The following PACS1 variants were observed in gnomAD, a reference collection of about 807,000 sequenced individuals.
The protein encoded by PACS1 is phosphofurin acidic cluster sorting protein 1.
Under a neutral mutation model 115.0 loss-of-function variants are expected in PACS1, and 24 were observed. That is an observed-to-expected ratio of 0.21 (90% CI 0.15 to 0.29). The LOEUF (loss-of-function observed/expected upper bound fraction) is 0.29, where lower values mean the gene tolerates loss of function less well. Ranked by LOEUF, PACS1 falls within the 10% of genes least tolerant of loss-of-function variation. The pLI is 1.00. For synonymous variants in PACS1, 453 were observed against 504.5 expected (o/e 0.90, Z 1.37); for missense variants, 838 against 1,251.2 (o/e 0.67, Z 4.98).
Position 66,183,530 on chromosome 11 carries a change from G to C in PACS1, c.357-9956G>C, listed in dbSNP as rs565932648. On this transcript the variant is annotated intron_variant, in intron 1 of 23. Transcript: ENST00000320580. ...AGCCATTTCTTGGTAGGACAAAGGA[G>C]TAATCCAGGTCACTTGTCTTCTGTT... Among the ~76,000 whole-genome samples, 37 of 152,314 alleles carry C rather than the reference G, an allele frequency of 2.4e-4. 1 individual carries two copies. In the Middle Eastern group the frequency reaches 0.017, roughly 70 times the overall value.
chr11:66,143,086 G>A (rs947006735), intron 1 of PACS1, among the ~76,000 whole-genome samples: 2 of 152,048 alleles, frequency 1.3e-5, no homozygotes, highest in African/African-American at 2.4e-5. Context: ...CAGTAAGGTG[G>A]TGCTGTTAAT....
At chr11:66,217,495 AT>A (rs1354268105) in intron 7 of PACS1, 1 of 452,722 alleles carries the variant, frequency 2.2e-6, no homozygotes, top group East Asian at 7.0e-5. Context: ...AGGCATCCTG[AT>A]TCTCCCCAGT....
At chr11:66,071,025 C>A in intron 1 of PACS1, among the ~76,000 whole-genome samples, 183 bp downstream of exon 1, 1 of 152,120 alleles carries the variant, frequency 6.6e-6, no homozygotes, top group East Asian at 1.9e-4. Context: ...TCCTGGCAGC[C>A]CCACCTTCTG....
At chr11:66,219,962 G>T (rs1855303460) in intron 8 of PACS1, among the ~76,000 whole-genome samples, 157 bp downstream of exon 8, 1 of 151,964 alleles carries the variant, frequency 6.6e-6, no homozygotes, top group Non-Finnish European at 1.5e-5. Flanking sequence ...AAGGGAGAGG[G>T]TGGCTAAGAA....
intron 1 of PACS1, among the ~76,000 whole-genome samples, chr11:66,178,491 T>C (rs1859926673): frequency 6.6e-6 from 1 of 152,220 alleles, no homozygotes; most frequent in Non-Finnish European, 1.5e-5. Flanking sequence ...ATTTTTTGCT[T>C]TTTCCAAAGA....
chr11:66,090,271 C>CTTTTTTTTTT (rs930565654), intron 1 of PACS1, among the ~76,000 whole-genome samples: 3 of 109,444 alleles, frequency 2.7e-5, no homozygotes, highest in Admixed American at 1.0e-4. Flanking sequence ...TCTTTCCTTT[C>CTTTTTTTTTT]TTTTTTTTTT....
intron 23 of PACS1, 35 bp from the exon 24 acceptor site, chr11:66,243,130 C>A: frequency 6.2e-7 from 1 of 1,610,390 alleles, no homozygotes; most frequent in Non-Finnish European, 8.5e-7. Context: ...ATGGCCTGAG[C>A]AGTCTGGTCA....
chr11:66,080,565 A>T (rs1181388425), intron 1 of PACS1, among the ~76,000 whole-genome samples: 1 of 152,134 alleles, frequency 6.6e-6, no homozygotes, highest in Non-Finnish European at 1.5e-5. Context: ...CTTTTCTCAG[A>T]AGGGAAAATT....
At chr11:66,190,780 C>T (rs1387649975) in intron 1 of PACS1, among the ~76,000 whole-genome samples, 3 of 152,158 alleles carry the variant, frequency 2.0e-5, no homozygotes, top group Non-Finnish European at 4.4e-5. Context: ...AAGGGAGAAA[C>T]AGGCGGTACT....
intron 1 of PACS1, among the ~76,000 whole-genome samples, chr11:66,164,277 C>T (rs1859550658): frequency 6.6e-6 from 1 of 151,874 alleles, no homozygotes; most frequent in African/African-American, 2.4e-5. Context: ...ACTCAAGTCT[C>T]GTTACAGAGG....
At chr11:66,241,883 C>A (rs890589026) in intron 22 of PACS1, among the ~76,000 whole-genome samples, 15 of 152,182 alleles carry the variant, frequency 9.9e-5, no homozygotes, top group African/African-American at 3.4e-4. Context: ...CTCTGCTGAG[C>A]TCCAGTACTT....
At chr11:66,154,897 A>G (rs536543540) in intron 1 of PACS1, among the ~76,000 whole-genome samples, 4 of 152,348 alleles carry the variant, frequency 2.6e-5, no homozygotes, top group East Asian at 1.9e-4. Flanking sequence ...TTGAGGACTG[A>G]CTTCTACAGC....
rs1417696979 is a variant in PACS1, at chr11:66,233,591, C to CT, written c.1839-193dup. Among the ~76,000 whole-genome samples, 1 of 152,250 alleles carries CT rather than the reference C, an allele frequency of 6.6e-6. No homozygotes were observed. The highest frequency in any genetic ancestry group is 1.5e-5 in the Non-Finnish European group (1 of 68,048). ...CCGTCTGCTTCATGGGCAATGCCCTCTGACCCTGGATTTTTCTCTTGGTTG... is the reference window on the plus strand; with the variant it reads ...CCGTCTGCTTCATGGGCAATGCCCTCTTGACCCTGGATTTTTCTCTTGGTTG... On this transcript the variant is annotated intron_variant, in intron 15 of 23. Transcript: ENST00000320580. The surrounding 1 kb of genome is among the most constrained non-coding windows in gnomAD (Gnocchi z 4.5).
chr11:66,070,739 G>T lies in PACS1; in HGVS notation c.253G>T (p.Ala85Ser). ...GGCCGTGGCGGTGGCCTCGGGCTCCGCGCCTCCCGGTGGCCCGGGGCCAGG... is the reference window on the plus strand; with the variant it reads ...GGCCGTGGCGGTGGCCTCGGGCTCCTCGCCTCCCGGTGGCCCGGGGCCAGG... ...SMAVAVASGS[A>S]PPGGPGPGRT... is the part of the protein sequence containing the mutation. Residue 85 changes from alanine (A) to serine (S), a missense_variant, in exon 1 of 24, where the codon GCG (alanine) becomes TCG (serine). Around this residue, in one of 6 missense-constraint regions of PACS1, gnomAD observed 129 missense variants for 109.4 expected, o/e 1.18. Coordinates refer to ENST00000320580, the MANE Select transcript of PACS1 (RefSeq NM_018026.4). The surrounding 1 kb of genome is among the most constrained non-coding windows in gnomAD (Gnocchi z 5.9). The T allele has an allele frequency of 1.3e-6, 2 of 1,562,684 alleles. No homozygotes were observed. Among genetic ancestry groups the T allele is most frequent in the Non-Finnish European group, 8.6e-7 (1 of 1,162,456 alleles).
At chr11:66,238,532 G>A (rs527614287) in intron 19 of PACS1, 79 of 352,154 alleles carry the variant, frequency 2.2e-4, no homozygotes, top group Admixed American at 3.2e-4. Flanking sequence ...ATGGAGTCTC[G>A]CTCTGTCGCC....
intron 1 of PACS1, among the ~76,000 whole-genome samples, chr11:66,106,660 G>A (rs1858048341): frequency 6.6e-6 from 1 of 152,104 alleles, no homozygotes; most frequent in African/African-American, 2.4e-5. Flanking sequence ...GTAGGCTGAG[G>A]TGGGAGGATC....
At chr11:66,223,518 A>G (rs746396697) in intron 10 of PACS1, among the ~76,000 whole-genome samples, 4 of 151,984 alleles carry the variant, frequency 2.6e-5, no homozygotes, top group East Asian at 1.9e-4. Flanking sequence ...ATTTCCTCAC[A>G]TGGAACTGCT....
At chr11:66,232,911 A>G in intron 14 of PACS1, 49 bp from the exon 15 acceptor site, 3 of 1,355,766 alleles carry the variant, frequency 2.2e-6, no homozygotes, top group Non-Finnish European at 3.2e-6. Flanking sequence ...CTTGTGAAGG[A>G]GTGATGTGTT....
chr11:66,114,246 G>A (rs183175948), intron 1 of PACS1, among the ~76,000 whole-genome samples: 92 of 152,014 alleles, frequency 6.1e-4, no homozygotes, highest in African/African-American at 2.2e-3. Context: ...GTGAAACCCC[G>A]TCTCTACTAA....
Sources: gnomAD v4.1 joint callset for allele counts (sites outside exome capture counted in the v4.1 genomes callset) on GRCh38, gnomAD v4.1.1 for gene constraint, gnomAD v4.1.1 regional missense constraint, Gnocchi (gnomAD v3.1) non-coding constraint, MANE v1.5 for transcripts, NCBI Gene and HGNC (gene_info 2026-07-23, HGNC 2026-07-21) for gene names.